UVRAG: variants seen among roughly 807,000 people sequenced by gnomAD.
UVRAG encodes UV radiation resistance associated.
UVRAG carries 19 observed loss-of-function variants against 78.0 expected under a neutral mutation model. That is an observed-to-expected ratio of 0.24 (90% confidence interval 0.17 to 0.36). The LOEUF is 0.36. Ranked by LOEUF, UVRAG falls within the 10% of genes least tolerant of loss-of-function variation. The probability of loss-of-function intolerance (pLI) is 1.00; values close to 1 mark genes in which losing one functional copy is unlikely to be tolerated. For synonymous variants in UVRAG, 323 were observed against 324.6 expected, an observed-to-expected ratio of 1.00 and a Z score of 0.05; for missense variants, 740 against 853.8, an observed-to-expected ratio of 0.87 and a Z score of 1.66.
At chr11:76,040,212 C>T (rs1272703631) in intron 12 of UVRAG, among the ~76,000 whole-genome samples, 1 of 152,004 alleles carries the variant, frequency 6.6e-6, no homozygotes, top group Non-Finnish European at 1.5e-5. Context: ...AGCACTAGAT[C>T]TGCAGCAAAG....
In UVRAG at chr11:75,974,568, T is replaced by G. The variant is rs1591081548; in HGVS notation, c.700-8819T>G. ...TTTTTAGTAGAGATGGGGTTTCACC[T>G]TGTTAGCCAGGATGGTCTCGATCTC... On this transcript the variant is annotated intron_variant, in intron 7 of 14. Coordinates refer to ENST00000356136, the MANE Select transcript of UVRAG (RefSeq NM_003369.4). Among the ~76,000 whole-genome samples the G allele has an allele frequency of 4.6e-5, 7 of 151,502 alleles. No individual in the cohort carries two copies. In the South Asian group the frequency reaches 1.5e-3, roughly 32 times the overall value.
chr11:76,040,464 T>A lies in UVRAG; in HGVS notation c.1226+23484T>A, dbSNP rs552511514. Among the ~76,000 whole-genome samples the A allele has an allele frequency of 1.2e-4, 17 of 143,700 alleles. No homozygotes were observed. In the South Asian group the frequency reaches 2.0e-3, roughly 17 times the overall value. The allele number at this position is 143,700 out of a possible 152,430, so 94.3% of individuals were successfully genotyped here. On this transcript the variant is annotated intron_variant, in intron 12 of 14. Transcript: ENST00000356136. ...CTCAGCCTGGGCGACAGTGTGATAC[T>A]CCATCTCAAAAAAAAAAAAAAAGGA...
At chr11:75,986,795 C>T (rs1485435122) in intron 8 of UVRAG, among the ~76,000 whole-genome samples, 1 of 151,090 alleles carries the variant, frequency 6.6e-6, no homozygotes, top group Non-Finnish European at 1.5e-5. Context: ...GTAACCACCC[C>T]CCTACCTTCT....
At position 75,975,804 on chromosome 11, in the gene UVRAG, A is replaced by G. The variant is rs1050822880; in HGVS notation, c.700-7583A>G. Among the ~76,000 whole-genome samples the G allele has an allele frequency of 3.3e-5, 5 of 152,332 alleles. No individual in the cohort carries two copies. In the South Asian group the frequency reaches 1.0e-3, roughly 32 times the overall value. ...GGTTTTCTAAATATACAATCATGTC[A>G]TCTGCAAACAGGGACAATTTGACTT... On this transcript the variant is annotated intron_variant, in intron 7 of 14. Transcript: ENST00000356136.
chr11:75,863,505 C>A (rs946606815), intron 3 of UVRAG, among the ~76,000 whole-genome samples: 4 of 152,032 alleles, frequency 2.6e-5, no homozygotes, highest in Non-Finnish European at 5.9e-5. Context: ...AATAATAGAC[C>A]CTATGTCATA....
At chr11:76,040,797 C>T (rs182601037) in intron 12 of UVRAG, among the ~76,000 whole-genome samples, 110 of 152,096 alleles carry the variant, frequency 7.2e-4, no homozygotes, top group African/African-American at 2.4e-3. Context: ...CTTTGTGATC[C>T]GCCTGCCTTG....
chr11:76,063,038 A>T (rs181577204), intron 12 of UVRAG, among the ~76,000 whole-genome samples: 1 of 152,318 alleles, frequency 6.6e-6, no homozygotes, highest in East Asian at 1.9e-4. Context: ...GTCATCGCAT[A>T]ATTCTTAACT....
chr11:76,107,637 G>A (rs1176612711), intron 13 of UVRAG, among the ~76,000 whole-genome samples: 1 of 152,144 alleles, frequency 6.6e-6, no homozygotes, highest in Admixed American at 6.6e-5. Context: ...CCATAATCGA[G>A]TTTTTATATT....
At chr11:75,909,755 A>G (rs754595133) in intron 5 of UVRAG, among the ~76,000 whole-genome samples, 11 of 152,152 alleles carry the variant, frequency 7.2e-5, no homozygotes, top group Admixed American at 4.6e-4. Context: ...AGTTAATAAT[A>G]TGTCTTTTTT....
At chr11:75,844,822 T>G (rs56230849) in intron 1 of UVRAG, among the ~76,000 whole-genome samples, 2 of 151,898 alleles carry the variant, frequency 1.3e-5, no homozygotes. Flanking sequence ...TACATTCATG[T>G]GCCACCATGC....
At chr11:75,829,054 G>T (rs1260272657) in intron 1 of UVRAG, among the ~76,000 whole-genome samples, 2 of 151,848 alleles carry the variant, frequency 1.3e-5, no homozygotes, top group Non-Finnish European at 2.9e-5. Context: ...CTGTAGAGTT[G>T]CAGAATTTCT....
chr11:76,127,203 G>A (rs755105225), intron 14 of UVRAG, among the ~76,000 whole-genome samples: 33 of 152,162 alleles, frequency 2.2e-4, no homozygotes, highest in Non-Finnish European at 4.3e-4. Flanking sequence ...ATGAAATGTG[G>A]ATTTCGGTAA....
chr11:76,003,650 C>T (rs376855272), intron 8 of UVRAG, among the ~76,000 whole-genome samples: 9 of 152,012 alleles, frequency 5.9e-5, no homozygotes, highest in East Asian at 3.9e-4. Context: ...AATGTTATTC[C>T]GTAGCATTTT....
chr11:76,137,734 A>G (rs1952625595), intron 14 of UVRAG: 2 of 278,552 alleles, frequency 7.2e-6, no homozygotes, highest in Admixed American at 9.2e-5. Flanking sequence ...TCCTGTCTCT[A>G]AAAAAAAATT....
rs1400942183 is a variant in UVRAG at position 75,978,885 on chromosome 11, CT to C, written c.700-4499del. 2.0e-5 allele frequency among the ~76,000 whole-genome samples: 3 copies of C among 152,224 alleles called. No individual in the cohort carries two copies. The East Asian group carries it at 5.8e-4, about 29-fold the overall frequency. ...CCTTCTTCTCTCTGCTCGTCAAAGTCTTTCTCCGTCTAGCTTTGTTTAGTTG... is the reference window on the plus strand; with the variant it reads ...CCTTCTTCTCTCTGCTCGTCAAAGTCTTCTCCGTCTAGCTTTGTTTAGTTG... On this transcript the variant is annotated intron_variant, in intron 7 of 14. Transcript: ENST00000356136.
intron 13 of UVRAG, among the ~76,000 whole-genome samples, chr11:76,100,304 T>G (rs1286551744): frequency 6.6e-6 from 1 of 152,140 alleles, no homozygotes; most frequent in Non-Finnish European, 1.5e-5. Flanking sequence ...CTAATATGTT[T>G]AATGTTCAAA....
chr11:75,888,002 G>A (rs564113740), intron 4 of UVRAG, among the ~76,000 whole-genome samples: 3 of 152,250 alleles, frequency 2.0e-5, no homozygotes, highest in Admixed American at 1.3e-4. Context: ...AGAAGAGAGT[G>A]GTTTGCAGAC....
intron 11 of UVRAG, among the ~76,000 whole-genome samples, chr11:76,009,390 A>G (rs1052507696): frequency 4.6e-5 from 7 of 152,156 alleles, no homozygotes; most frequent in Non-Finnish European, 1.0e-4. Flanking sequence ...ATAGAATATG[A>G]TCCTTAGTAA....
intron 6 of UVRAG, among the ~76,000 whole-genome samples, chr11:75,919,871 C>A (rs1448108072): frequency 6.6e-6 from 1 of 151,938 alleles, no homozygotes; most frequent in Non-Finnish European, 1.5e-5. Context: ...AGTGCACGTG[C>A]TGTTTTCTAT....
Sources: allele counts gnomAD v4.1 joint callset (sites outside exome capture counted in the v4.1 genomes callset), GRCh38; gene constraint gnomAD v4.1.1; transcripts MANE v1.5; gene names NCBI Gene and HGNC (gene_info 2026-07-23, HGNC 2026-07-21).